Variants in CENPE observed in about 807,000 individuals in gnomAD.
CENPE encodes the protein centromere-associated protein E.
A neutral mutation model predicts 336.1 loss-of-function variants in CENPE; 145 were observed. That is an observed-to-expected ratio of 0.43 (90% confidence interval 0.38 to 0.50). The LOEUF (loss-of-function observed/expected upper bound fraction) is 0.50, where lower values mean the gene tolerates loss of function less well. Among genes scored for constraint, CENPE ranks in the 20% least tolerant of loss-of-function variants. The pLI, the probability that CENPE is intolerant of heterozygous loss-of-function variation, is 0.00. For synonymous variants in CENPE, 1,013 were observed against 984.8 expected (o/e 1.03, Z -0.54); for missense variants, 2,719 against 3,023.3 (o/e 0.90, Z 2.36).
At chr4:103,141,140 T>C in intron 35 of CENPE, 36 bp from the exon 36 acceptor site, 1 of 1,226,846 alleles carries the variant, frequency 8.2e-7, no homozygotes, top group Non-Finnish European at 1.1e-6. Flanking sequence ...TTAGGTGGCT[T>C]TTTAGGGACA....
chr4:103,144,352 G>A lies in CENPE; in HGVS notation c.5124C>T (p.Asn1708=). The change falls in exon 33 of 49, where the codon AAC becomes AAT. Residue 1708 remains asparagine, a synonymous_variant. Transcript: ENST00000265148. ...TCACTCTAGTTATAGTTTCTCTAAG[G>A]TTTTCCTTGAGCTGGTCTCTCTCTA... ...LKVERDQLKE[N]LRETITRDLE... is the part of the protein sequence containing the mutation. 6.2e-7 allele frequency: 1 copy of A among 1,607,952 alleles called. No homozygotes were observed. The highest frequency in any genetic ancestry group is 1.1e-5 in the South Asian group (1 of 89,482).
chr4:103,126,440 C>T (rs931747171), intron 42 of CENPE, among the ~76,000 whole-genome samples: 1 of 152,156 alleles, frequency 6.6e-6, no homozygotes, highest in Non-Finnish European at 1.5e-5. Context: ...CTCCGCCTGC[C>T]ACCCACCACA....
intron 3 of CENPE, 52 bp downstream of exon 3, chr4:103,196,111 T>C: frequency 6.3e-7 from 1 of 1,585,370 alleles, no homozygotes; most frequent in East Asian, 2.2e-5. Context: ...GCATGCTTGT[T>C]GCACAGACGC....
chr4:103,127,077 A>G (rs928483271), intron 42 of CENPE, among the ~76,000 whole-genome samples: 9 of 150,982 alleles, frequency 6.0e-5, no homozygotes, highest in Admixed American at 1.3e-4. Flanking sequence ...GAAAACTCAT[A>G]ATGCTAAACG....
At chr4:103,184,658 T>C (rs928389569) in intron 9 of CENPE, among the ~76,000 whole-genome samples, 1 of 152,186 alleles carries the variant, frequency 6.6e-6, no homozygotes, top group Non-Finnish European at 1.5e-5. Flanking sequence ...TTTGGGACTC[T>C]TGATGGATTT....
intron 42 of CENPE, among the ~76,000 whole-genome samples, chr4:103,128,742 A>C (rs1012535552): frequency 1.3e-5 from 2 of 152,214 alleles, no homozygotes; most frequent in African/African-American, 4.8e-5. Context: ...TTAGAGGAAA[A>C]TTTATAGCAT....
chr4:103,111,136 G>T, intron 46 of CENPE, 125 bp from the exon 47 acceptor site: 2 of 611,502 alleles, frequency 3.3e-6, no homozygotes, highest in Non-Finnish European at 2.7e-6. Flanking sequence ...TTATTTCCCT[G>T]GAAGTCACCC....
Position 103,158,700 on chromosome 4 carries a change from CT to C in CENPE, c.2787del (p.Glu930LysfsTer5). ...TGGAGTTGTTTTAGATCATCTTTTTCTTGAGTTAAAGTTTTTACTTCTTCTA... is the reference window on the plus strand; with the variant it reads ...TGGAGTTGTTTTAGATCATCTTTTTCTGAGTTAAAGTTTTTACTTCTTCTA... ...QTLEEVKTLTQEKDDLKQLQE... is the reference protein window; with the variant it reads ...QTLEEVKTLTXEKDDLKQLQE... On this transcript the variant is annotated frameshift_variant, in exon 23 of 49. Transcript: ENST00000265148. LOFTEE classifies it high-confidence loss of function. The C allele has an allele frequency of 6.2e-7, 1 of 1,612,592 alleles. No individual in the cohort carries two copies. Among genetic ancestry groups the C allele is most frequent in the Non-Finnish European group, 8.5e-7 (1 of 1,179,286 alleles).
At chr4:103,170,444 AG>A (rs1285400623) in intron 16 of CENPE, among the ~76,000 whole-genome samples, 1 of 152,214 alleles carries the variant, frequency 6.6e-6, no homozygotes, top group Non-Finnish European at 1.5e-5. Context: ...TTGTTTGTTT[AG>A]TAATCAATGA....
At chr4:103,126,135 G>A (rs1018954646) in intron 42 of CENPE, among the ~76,000 whole-genome samples, 12 of 152,168 alleles carry the variant, frequency 7.9e-5, no homozygotes, top group South Asian at 2.1e-4. Flanking sequence ...TAAAAACTTC[G>A]GAGACCTAGT....
At chr4:103,191,542 G>A (rs376506485) in intron 8 of CENPE, among the ~76,000 whole-genome samples, 3 of 149,800 alleles carry the variant, frequency 2.0e-5, no homozygotes, top group Admixed American at 6.7e-5. Context: ...GCAAACTATC[G>A]CAAGGACAAA....
At chr4:103,127,097 T>TA (rs768685995) in intron 42 of CENPE, among the ~76,000 whole-genome samples, 20,230 of 74,472 alleles carry the variant, frequency 0.27, 1,317 homozygotes, top group Non-Finnish European at 0.3. Context: ...GGGACAAATA[T>TA]AAAAAAAAAA....
rs779588591 is a variant in CENPE, at chr4:103,148,866, G to A, written c.3821C>T (p.Ser1274Phe). 1 of 1,612,322 alleles carries A rather than the reference G, an allele frequency of 6.2e-7. No homozygotes were observed. The highest frequency in any genetic ancestry group is 1.1e-5 in the South Asian group (1 of 90,634). The change falls in exon 28 of 49, where the codon TCC becomes TTC. Residue 1274 changes from serine (S) to phenylalanine (F), a missense_variant. Ser to Phe is a radical substitution (Grantham distance 155, BLOSUM62 -2). Around this residue, in one of 5 missense-constraint regions of CENPE, gnomAD observed 2,437 missense variants for 2,513.3 expected, o/e 0.97. Transcript: ENST00000265148. Reference protein sequence around the residue: ...QIINTQDLEKSHTKLQEEIPV... With the variant: ...QIINTQDLEKFHTKLQEEIPV... ...TACCTCTTCTTGTAATTTGGTATGGGATTTTTCTAAGTCCTGAGTATTTAT... is the reference window on the plus strand; with the variant it reads ...TACCTCTTCTTGTAATTTGGTATGGAATTTTTCTAAGTCCTGAGTATTTAT...
rs1037129007 is a variant in CENPE, at chr4:103,160,506, G to A, written c.2286+119C>T. On this transcript the variant is annotated intron_variant, in intron 21 of 48. Coordinates refer to ENST00000265148, the MANE Select transcript of CENPE (RefSeq NM_001813.3). ...ATTTCTATTTCTAACTAGTCAAAACGTTTACAGTATCTCTCTTGTCTGCTA... is the reference window on the plus strand; with the variant it reads ...ATTTCTATTTCTAACTAGTCAAAACATTTACAGTATCTCTCTTGTCTGCTA... 24 of 743,948 alleles carry A rather than the reference G, an allele frequency of 3.2e-5. No individual in the cohort carries two copies. In the Admixed American group the frequency reaches 3.4e-4, roughly 10 times the overall value. The allele number at this position is 743,948 out of a possible 1,614,324, so 46.1% of individuals were successfully genotyped here.
At position 103,180,383 on chromosome 4, in the gene CENPE, C is replaced by T. The variant is rs1203209525; in HGVS notation, c.1170G>A (p.Gln390=). 6.2e-7 allele frequency: 1 copy of T among 1,613,182 alleles called. No homozygotes were observed. The highest frequency in any genetic ancestry group is 8.5e-7 in the Non-Finnish European group (1 of 1,179,510). The part of the protein sequence containing the change: ...LEEKDLLQKV[Q]NEKIENLTRM... ...GTGTTAAGTTTTCAATTTTCTCATT[C>T]TGTACTTTCTGAAGCAAATCTTTTT... Residue 390 remains glutamine, a synonymous_variant, in exon 13 of 49, where the codon CAG becomes CAA. Coordinates refer to ENST00000265148, the MANE Select transcript of CENPE (RefSeq NM_001813.3).
At position 103,147,783 on chromosome 4, in the gene CENPE, T is replaced by C. The variant is rs534089460; in HGVS notation, c.3844-137A>G. ...ATCTCAGTTCACTGCAACTTCTGCC[T>C]CCTGGGTTCAAGAGATTCTCCTGTC... On this transcript the variant is annotated intron_variant, in intron 28 of 48. Transcript: ENST00000265148. The C allele has an allele frequency of 4.1e-5, 28 of 690,870 alleles. 2 individuals are homozygous for C. In the South Asian group the frequency reaches 5.4e-4, roughly 13 times the overall value. The allele number at this position is 690,870 out of a possible 1,614,324, so 42.8% of individuals were successfully genotyped here. A position where few individuals can be genotyped will look rare whatever the true frequency, so the allele number is the denominator to read the frequency against.
Position 103,159,002 on chromosome 4 carries a change from G to A in CENPE, c.2601+8C>T, listed in dbSNP as rs1754196372. 8 of 1,532,364 alleles carry A rather than the reference G, an allele frequency of 5.2e-6. No individual in the cohort carries two copies. Among genetic ancestry groups the A allele is most frequent in the Non-Finnish European group, 7.0e-6 (8 of 1,146,816 alleles). The allele number at this position is 1,532,364 out of a possible 1,614,324, so 94.9% of individuals were successfully genotyped here. On this transcript the variant is annotated splice_region_variant and intron_variant, in intron 22 of 48. Coordinates refer to ENST00000265148, the MANE Select transcript of CENPE (RefSeq NM_001813.3). ...GGAGCATTTCTCAAAATAGCATCTT[G>A]TACCAACCTCGGTCTTCAAAGCACC...
rs141651215 is a variant in CENPE, at chr4:103,146,338, C to G, written c.4135-231G>C. On this transcript the variant is annotated intron_variant, in intron 29 of 48. Transcript: ENST00000265148. ...CGAGGCTGGAGACAAAATGATGAGA[C>G]TTACAGGATCTCTCTCTTTTTGAGA... Among the ~76,000 whole-genome samples the G allele has an allele frequency of 4.3e-4, 65 of 152,300 alleles. 2 individuals carry two copies. In the East Asian group the frequency reaches 0.011, roughly 27 times the overall value.
intron 46 of CENPE, among the ~76,000 whole-genome samples, chr4:103,113,755 C>T (rs1442040559): frequency 6.7e-6 from 1 of 148,536 alleles, no homozygotes; most frequent in Non-Finnish European, 1.5e-5. Flanking sequence ...TATAAGCATA[C>T]ATATATGCTT....
Sources: gnomAD v4.1 joint callset for allele counts (sites outside exome capture counted in the v4.1 genomes callset) on GRCh38, gnomAD v4.1.1 for gene constraint, gnomAD v4.1.1 regional missense constraint, MANE v1.5 for transcripts, NCBI Gene and HGNC (gene_info 2026-07-23, HGNC 2026-07-21) for gene names.